The following XPO4 variants were observed in gnomAD, a reference collection of about 807,000 sequenced individuals.
XPO4 encodes exportin-4.
In XPO4, 39 loss-of-function variants were observed where a neutral mutation model predicts 143.0. That is an observed-to-expected ratio of 0.27 (90% confidence interval 0.21 to 0.36). The LOEUF (loss-of-function observed/expected upper bound fraction) is 0.36, where lower values mean the gene tolerates loss of function less well. Among genes scored for constraint, XPO4 ranks in the 10% least tolerant of loss-of-function variants. The probability of loss-of-function intolerance (pLI) is 1.00; values close to 1 mark genes in which losing one functional copy is unlikely to be tolerated. For missense variants in XPO4, 907 were observed against 1,348.0 expected, an observed-to-expected ratio of 0.67 and a Z score of 5.12; for synonymous variants, 439 against 474.0, an observed-to-expected ratio of 0.93 and a Z score of 0.96.
intron 6 of XPO4, among the ~76,000 whole-genome samples, chr13:20,839,221 G>A (rs527423476): frequency 1.3e-5 from 2 of 152,260 alleles, no homozygotes; most frequent in Admixed American, 6.5e-5. Context: ...CCGAGATCGC[G>A]CCACGGCACT....
intron 16 of XPO4, 120 bp from the exon 17 acceptor site, chr13:20,797,177 C>T (rs897214453): frequency 1.1e-5 from 11 of 983,502 alleles, no homozygotes; most frequent in South Asian, 7.7e-5. Flanking sequence ...AAGCACATAA[C>T]AAAGAATATC....
At chr13:20,791,111 T>TTATA (rs201979268) in intron 18 of XPO4, among the ~76,000 whole-genome samples, 1 of 151,072 alleles carries the variant, frequency 6.6e-6, no homozygotes, top group East Asian at 1.9e-4. Flanking sequence ...TACATATGAA[T>TTATA]TATATATATA....
intron 18 of XPO4, 103 bp from the exon 19 acceptor site, chr13:20,790,683 A>T (rs539479599): frequency 1.1e-6 from 1 of 869,618 alleles, no homozygotes; most frequent in South Asian, 1.5e-5. Flanking sequence ...GAGGCTAAAT[A>T]AATCAATGAG....
chr13:20,788,223 T>C (rs1191802993), intron 20 of XPO4, among the ~76,000 whole-genome samples: 10 of 151,942 alleles, frequency 6.6e-5, no homozygotes, highest in Non-Finnish European at 1.3e-4. Flanking sequence ...GCCCAGCTAA[T>C]TTTTTGTACT....
At chr13:20,866,109 CTTG>C in intron 2 of XPO4, 1 of 985,382 alleles carries the variant, frequency 1.0e-6, no homozygotes, top group Non-Finnish European at 1.2e-6. Flanking sequence ...ACAGAACTCA[CTTG>C]TTTTTTTAAA....
intron 4 of XPO4, 35 bp downstream of exon 4, chr13:20,855,592 T>C: frequency 6.8e-7 from 1 of 1,466,772 alleles, no homozygotes. Context: ...AAAATATAAA[T>C]TGTTAATATT....
intron 18 of XPO4, among the ~76,000 whole-genome samples, chr13:20,794,722 C>A (rs34884872): frequency 0.058 from 8,819 of 152,062 alleles, 650 homozygotes; most frequent in African/African-American, 0.17. Flanking sequence ...CAGAGGGAGA[C>A]CCTGCCTCTC....
chr13:20,788,774 A>G (rs994557509), intron 19 of XPO4, among the ~76,000 whole-genome samples, 158 bp from the exon 20 acceptor site: 3 of 152,236 alleles, frequency 2.0e-5, no homozygotes, highest in African/African-American at 7.2e-5. Flanking sequence ...TTAAATGTAA[A>G]AACAGGTACA....
intron 1 of XPO4, among the ~76,000 whole-genome samples, chr13:20,870,089 CAA>C (rs59710121): frequency 6.1e-5 from 6 of 98,916 alleles, no homozygotes; most frequent in East Asian, 3.4e-4. Flanking sequence ...GAAGGAGTCT[CAA>C]AAAAAAAAAA....
chr13:20,799,057 A>G, intron 16 of XPO4, 108 bp downstream of exon 16: 1 of 1,077,234 alleles, frequency 9.3e-7, no homozygotes, highest in Non-Finnish European at 1.3e-6. Context: ...AAGAAAGAAA[A>G]GCTATGACTG....
intron 4 of XPO4, chr13:20,849,415 C>T: frequency 2.0e-6 from 2 of 984,752 alleles, no homozygotes; most frequent in Non-Finnish European, 1.2e-6. Context: ...CGTATGCCTA[C>T]TGCTTTCAAA....
At chr13:20,810,349 T>C (rs953149007) in intron 9 of XPO4, among the ~76,000 whole-genome samples, 117 of 152,272 alleles carry the variant, frequency 7.7e-4, no homozygotes, top group African/African-American at 2.7e-3. Flanking sequence ...GGTTTAAGAA[T>C]ATGTGGGGAG....
At chr13:20,861,593 G>T (rs147791285) in intron 3 of XPO4, among the ~76,000 whole-genome samples, 1 of 151,860 alleles carries the variant, frequency 6.6e-6, no homozygotes, top group African/African-American at 2.4e-5. Flanking sequence ...ACCACATCAG[G>T]CCTCATATAT....
At position 20,865,541 on chromosome 13, in the gene XPO4, C is replaced by T. The variant is rs551597945; in HGVS notation, c.176-2683G>A. On this transcript the variant is annotated intron_variant, in intron 2 of 22. Coordinates refer to ENST00000255305, the MANE Select transcript of XPO4 (RefSeq NM_022459.5). ...CACTTTAGCAAAATGCTTTCATCTG[C>T]TACCACAGTAACTTTCTTTAATAAT... 1.7e-4 allele frequency: 167 copies of T among 978,758 alleles called. No homozygotes were observed. The African/African-American group carries it at 2.6e-3, about 15-fold the overall frequency. The allele number at this position is 978,758 out of a possible 1,614,324, so 60.6% of individuals were successfully genotyped here.
At chr13:20,856,703 G>C in intron 3 of XPO4, 1 of 331,566 alleles carries the variant, frequency 3.0e-6, no homozygotes, top group African/African-American at 2.2e-5. Context: ...CCCACCTATA[G>C]CCACCAGTGG....
Position 20,821,819 on chromosome 13 carries a change from G to T in XPO4, c.1058C>A (p.Thr353Asn). Reference protein sequence around the residue: ...GISSIISNLITVFPRNVLTAI... With the variant: ...GISSIISNLINVFPRNVLTAI... ...AGTTAAAACATTTCGTGGGAACACG[G>T]TTATCAGGTTGCTGATAATGCTGGA... is the stretch of plus-strand genomic sequence containing the variant. The change falls in exon 9 of 23, where the codon ACC becomes AAC. Residue 353 changes from threonine to asparagine, a missense_variant. Coordinates refer to ENST00000255305, the MANE Select transcript of XPO4 (RefSeq NM_022459.5). The T allele has an allele frequency of 6.2e-7, 1 of 1,614,056 alleles. No individual in the cohort carries two copies. Among genetic ancestry groups the T allele is most frequent in the East Asian group, 2.2e-5 (1 of 44,838 alleles).
At chr13:20,852,507 A>G (rs969113840) in intron 4 of XPO4, 1 of 985,454 alleles carries the variant, frequency 1.0e-6, no homozygotes, top group African/African-American at 1.7e-5. Flanking sequence ...TAGAAATGAC[A>G]AGATTACCAT....
In XPO4 at chr13:20,857,510, G is replaced by A. The variant is rs567733340; in HGVS notation, c.318-1745C>T. ...TGGGAGGCCAAGGCAGGCGGATTAC[G>A]AGGTCAGGAGATAGAGACCATCCTG... On this transcript the variant is annotated intron_variant, in intron 3 of 22. Transcript: ENST00000255305. Among the ~76,000 whole-genome samples, 201 of 152,030 alleles carry A rather than the reference G, an allele frequency of 1.3e-3. 1 individual carries two copies. The highest frequency in any genetic ancestry group is 4.3e-3 in the African/African-American group (177 of 41,464).
At chr13:20,807,130 G>T (rs978721678) in intron 13 of XPO4, among the ~76,000 whole-genome samples, 1 of 152,044 alleles carries the variant, frequency 6.6e-6, no homozygotes, top group African/African-American at 2.4e-5. Flanking sequence ...CATTTAGGGC[G>T]CCTGCATGCA....
Sources: allele counts gnomAD v4.1 joint callset (sites outside exome capture counted in the v4.1 genomes callset), GRCh38; gene constraint gnomAD v4.1.1; transcripts MANE v1.5; gene names NCBI Gene and HGNC (gene_info 2026-07-23, HGNC 2026-07-21).